Variants in LIPE observed in about 807,000 individuals in gnomAD.
LIPE encodes hormone-sensitive lipase.
In LIPE, 66 loss-of-function variants were observed where a neutral mutation model predicts 88.5. That is an observed-to-expected ratio of 0.75 (90% CI 0.61 to 0.91). The LOEUF (loss-of-function observed/expected upper bound fraction) is 0.91. Among genes scored for constraint, LIPE ranks in the 40% least tolerant of loss-of-function variants. LIPE has a pLI of 0.00. For synonymous variants in LIPE, 570 were observed against 617.5 expected (o/e 0.92, Z 1.14); for missense variants, 1,346 against 1,434.7 (o/e 0.94, Z 1.00).
At chr19:42,417,414 T>C (rs542296943) in intron 1 of LIPE, among the ~76,000 whole-genome samples, 5 of 151,886 alleles carry the variant, frequency 3.3e-5, no homozygotes, top group African/African-American at 1.2e-4. Context: ...TGGGCACCAC[T>C]ATGCCTGGTT....
Sources: allele counts gnomAD v4.1 joint callset (sites outside exome capture counted in the v4.1 genomes callset), GRCh38; gene constraint gnomAD v4.1.1; transcripts MANE v1.5; gene names NCBI Gene and HGNC (gene_info 2026-07-23, HGNC 2026-07-21).